Variants in RALB observed in about 807,000 individuals in gnomAD.
RALB encodes ras-related protein Ral-B.
RALB carries 16 observed loss-of-function variants against 21.3 expected under a neutral mutation model. The observed-to-expected ratio is 0.75, with a 90% CI of 0.51 to 1.14. The LOEUF is 1.14. RALB is among the 50% of genes most tolerant of loss of function. The pLI, the probability that RALB is intolerant of heterozygous loss-of-function variation, is 0.00. For synonymous variants in RALB, 93 were observed against 96.1 expected, an observed-to-expected ratio of 0.97 and a Z score of 0.19; for missense variants, 161 against 256.2, an observed-to-expected ratio of 0.63 and a Z score of 2.54.
chr2:120,248,277 A>G (rs1689002624), upstream of RALB, among the ~76,000 whole-genome samples: 1 of 152,052 alleles, frequency 6.6e-6, no homozygotes, highest in East Asian at 1.9e-4. Flanking sequence ...TTCTAATAAT[A>G]CGGTCTATGA....
At chr2:120,253,627 G>C (rs1689118671) in intron 1 of RALB, 1 of 985,416 alleles carries the variant, frequency 1.0e-6, no homozygotes, top group Non-Finnish European at 1.2e-6. Context: ...CTCGGTGCAG[G>C]GTTGCGGGGC....
intron 1 of RALB, among the ~76,000 whole-genome samples, chr2:120,265,981 G>A (rs1343142890): frequency 6.6e-6 from 1 of 152,200 alleles, no homozygotes; most frequent in East Asian, 1.9e-4. Flanking sequence ...CCATCTGTAA[G>A]GCTAGCAGAA....
intron 3 of RALB, among the ~76,000 whole-genome samples, chr2:120,288,364 T>TTTTTTTTTTA (rs1348384951): frequency 4.0e-5 from 6 of 148,594 alleles, no homozygotes; most frequent in East Asian, 3.9e-4. Flanking sequence ...GTTTTTTTTT[T>TTTTTTTTTTA]TGTAGATACA....
chr2:120,246,046 C>T (rs1004136623), intron 1 of RALB, among the ~76,000 whole-genome samples: 1 of 152,216 alleles, frequency 6.6e-6, no homozygotes, highest in Admixed American at 6.5e-5. Context: ...GACACCACCC[C>T]GCATTCCTCG....
chr2:120,287,571 G>A (rs901805377), intron 3 of RALB, among the ~76,000 whole-genome samples: 3 of 152,164 alleles, frequency 2.0e-5, no homozygotes, highest in Admixed American at 6.5e-5. Context: ...TTGATTTCCT[G>A]TTGTTCTGTG....
intron 2 of RALB, among the ~76,000 whole-genome samples, chr2:120,284,619 C>T (rs534568994): frequency 8.5e-5 from 13 of 152,194 alleles, no homozygotes; most frequent in African/African-American, 2.9e-4. Flanking sequence ...AGGCTGGTCT[C>T]GAACTCCTGA....
chr2:120,285,741 A>C, intron 2 of RALB, 133 bp from the exon 3 acceptor site: 1 of 692,384 alleles, frequency 1.4e-6, no homozygotes, highest in African/African-American at 1.8e-5. Flanking sequence ...TAAAGAACAG[A>C]AGTGTTACGT....
upstream of RALB, among the ~76,000 whole-genome samples, chr2:120,250,998 A>G (rs1689043813): frequency 6.6e-6 from 1 of 152,190 alleles, no homozygotes; most frequent in Admixed American, 6.5e-5. Context: ...ATTTCTCAGA[A>G]AGCCCTGTGC....
At chr2:120,247,290 A>T (rs1688988039) in intron 1 of RALB, among the ~76,000 whole-genome samples, 1 of 152,222 alleles carries the variant, frequency 6.6e-6, no homozygotes, top group Non-Finnish European at 1.5e-5. Context: ...GCAGAAAGAT[A>T]AGTCCAGCTA....
intron 1 of RALB, among the ~76,000 whole-genome samples, chr2:120,258,815 G>A (rs961611404): frequency 1.3e-5 from 2 of 152,218 alleles, no homozygotes; most frequent in Non-Finnish European, 2.9e-5. Flanking sequence ...TAGCGTGTCC[G>A]GAATTGGTGG....
rs192006934 is a variant in RALB at position 120,294,158 on chromosome 2, G to A, written c.*898G>A. On this transcript the variant is annotated 3_prime_UTR_variant, in exon 5 of 5. Transcript: ENST00000272519. ...CTGATCAGCATCACTGCACACGGAG[G>A]TCTAGTGAGCCTCTTGCTAAGTGTC... is the stretch of plus-strand genomic sequence containing the variant. 1.3e-4 allele frequency: 50 copies of A among 398,600 alleles called. No individual in the cohort carries two copies. In the South Asian group the frequency reaches 2.7e-3, roughly 21 times the overall value. 24.7% of individuals were successfully genotyped at this position (398,600 alleles called of 1,614,324 possible).
At chr2:120,264,013 T>A (rs1436987712) in intron 1 of RALB, among the ~76,000 whole-genome samples, 4 of 150,810 alleles carry the variant, frequency 2.7e-5, no homozygotes, top group Non-Finnish European at 5.9e-5. Context: ...CACGCCCGGC[T>A]AATTTTTGTA....
intron 4 of RALB, among the ~76,000 whole-genome samples, chr2:120,290,508 C>T (rs1690281487): frequency 6.6e-6 from 1 of 152,212 alleles, no homozygotes; most frequent in South Asian, 2.1e-4. Flanking sequence ...ATTTTGCTCT[C>T]ATTGAGTTAT....
rs982768174 is a variant in RALB, at chr2:120,240,070, A to G, written c.-37A>G. The G allele has an allele frequency of 1.3e-5, 17 of 1,289,370 alleles. No homozygotes were observed. In the East Asian group the frequency reaches 8.9e-4, roughly 67 times the overall value. The allele number at this position is 1,289,370 out of a possible 1,614,324, so 79.9% of individuals were successfully genotyped here. A position where few individuals can be genotyped will look rare whatever the true frequency, so the allele number is the denominator to read the frequency against. ...ACCCCGGGTCTCTGTGTGGGATTTCAGCAGCGGGAGAGCGGGTGGCAGGAG... is the reference window on the plus strand; with the variant it reads ...ACCCCGGGTCTCTGTGTGGGATTTCGGCAGCGGGAGAGCGGGTGGCAGGAG... On this transcript the variant is annotated 5_prime_UTR_variant, in exon 1 of 4. Transcript: ENST00000447591.
intron 1 of RALB, among the ~76,000 whole-genome samples, chr2:120,241,812 T>C (rs549197474): frequency 6.6e-6 from 1 of 152,298 alleles, no homozygotes; most frequent in African/African-American, 2.4e-5. Context: ...CTTTGTGCAC[T>C]GCGGGTGGGA....
chr2:120,274,733 TAAA>T (rs1211220502), intron 1 of RALB, among the ~76,000 whole-genome samples: 1 of 152,218 alleles, frequency 6.6e-6, no homozygotes, highest in African/African-American at 2.4e-5. Flanking sequence ...TTAAAATACT[TAAA>T]AAGTATTTTA....
At chr2:120,246,315 G>C (rs1307907349) in intron 1 of RALB, among the ~76,000 whole-genome samples, 1 of 152,126 alleles carries the variant, frequency 6.6e-6, no homozygotes, top group African/African-American at 2.4e-5. Flanking sequence ...GAGACAGAGG[G>C]GCATCCACTT....
At chr2:120,265,189 T>C (rs1347153828) in intron 1 of RALB, among the ~76,000 whole-genome samples, 1 of 152,230 alleles carries the variant, frequency 6.6e-6, no homozygotes, top group African/African-American at 2.4e-5. Flanking sequence ...CGGGGTATAC[T>C]TACACAAGCC....
chr2:120,284,388 T>A (rs375450245), intron 2 of RALB, among the ~76,000 whole-genome samples: 1 of 122,258 alleles, frequency 8.2e-6, no homozygotes, highest in African/African-American at 3.4e-5. Context: ...AAATTCGCTC[T>A]TTTTAAAGTG....
Sources: allele counts gnomAD v4.1 joint callset (sites outside exome capture counted in the v4.1 genomes callset), GRCh38; gene constraint gnomAD v4.1.1; transcripts MANE v1.5; gene names NCBI Gene and HGNC (gene_info 2026-07-23, HGNC 2026-07-21).